DAW1: variants seen among roughly 807,000 people sequenced by gnomAD.
DAW1 encodes dynein assembly factor with WD repeats 1.
In DAW1, 47 loss-of-function variants were observed where a neutral mutation model predicts 56.5. That is an observed-to-expected ratio of 0.83 (90% confidence interval 0.66 to 1.06). DAW1 has a LOEUF of 1.06. Ranked by LOEUF, DAW1 falls within the 50% of genes least tolerant of loss-of-function variation. DAW1 has a pLI of 0.00. For synonymous variants in DAW1, 190 were observed against 179.0 expected (o/e 1.06, Z -0.49); for missense variants, 505 against 499.3 (o/e 1.01, Z -0.11).
intron 5 of DAW1, among the ~76,000 whole-genome samples, chr2:227,894,415 T>TA (rs1276622871): frequency 3.4e-5 from 5 of 148,078 alleles, no homozygotes; most frequent in African/African-American, 1.2e-4. Context: ...GACTCTGTCT[T>TA]AAAAAAAAAA....
At chr2:227,886,239 A>T (rs904634004) in intron 2 of DAW1, among the ~76,000 whole-genome samples, 1 of 152,152 alleles carries the variant, frequency 6.6e-6, no homozygotes, top group African/African-American at 2.4e-5. Context: ...AGGGAGACCT[A>T]ATCTCTATTA....
At chr2:227,874,652 C>T (rs73996709) in intron 1 of DAW1, among the ~76,000 whole-genome samples, 1,559 of 152,086 alleles carry the variant, frequency 0.01, 33 homozygotes, top group African/African-American at 0.036. Context: ...GTTGGAGTGC[C>T]CCAGAGCCCC....
intron 6 of DAW1, 39 bp downstream of exon 6, chr2:227,898,320 T>C (rs1691461516): frequency 9.8e-7 from 1 of 1,025,636 alleles, no homozygotes; most frequent in Admixed American, 4.2e-5. Context: ...TTTATGTATA[T>C]ATATATATTA....
At chr2:227,897,950 C>T (rs927335508) in intron 5 of DAW1, among the ~76,000 whole-genome samples, 8 of 150,376 alleles carry the variant, frequency 5.3e-5, no homozygotes, top group Non-Finnish European at 8.9e-5. Flanking sequence ...TTATTATAAT[C>T]CCAAACAAAT....
At chr2:227,912,537 T>A in intron 10 of DAW1, 5 of 1,258,938 alleles carry the variant, frequency 4.0e-6, no homozygotes, top group Non-Finnish European at 3.1e-6. Flanking sequence ...CTAGTATGTC[T>A]GTTTCATATC....
chr2:227,909,112 A>G (rs761716095), intron 10 of DAW1, among the ~76,000 whole-genome samples: 11 of 151,908 alleles, frequency 7.2e-5, no homozygotes, highest in Non-Finnish European at 1.5e-4. Context: ...ATACTATTCC[A>G]TATCTTAGTA....
rs768291881 is a variant in DAW1, at chr2:227,889,985, G to T, written c.243G>T (p.Thr81=). 1 of 1,586,700 alleles carries T rather than the reference G, an allele frequency of 6.3e-7. No individual in the cohort carries two copies. Among genetic ancestry groups the T allele is most frequent in the Non-Finnish European group, 8.5e-7 (1 of 1,170,432 alleles). ...AACTCGGCCAGAACAGCAATCACACGTTCTATCTTTTTAAGGTAATGGATT... is the reference window on the plus strand; with the variant it reads ...AACTCGGCCAGAACAGCAATCACACTTTCTATCTTTTTAAGGTAATGGATT... The part of the protein sequence containing the change: ...QEKLGQNSNH[T]FYLFKVLKAH... The change falls in exon 3 of 13, where the codon ACG becomes ACT. Residue 81 remains threonine, a synonymous_variant. Coordinates refer to ENST00000309931, the MANE Select transcript of DAW1 (RefSeq NM_178821.3).
At chr2:227,923,204 G>A (rs984722816) in intron 12 of DAW1, among the ~76,000 whole-genome samples, 7 of 152,158 alleles carry the variant, frequency 4.6e-5, no homozygotes, top group African/African-American at 9.6e-5. Flanking sequence ...TCTTGCCATC[G>A]ATGGAGCAGT....
chr2:227,891,640 C>G, intron 4 of DAW1, among the ~76,000 whole-genome samples: 1 of 152,132 alleles, frequency 6.6e-6, no homozygotes, highest in East Asian at 1.9e-4. Flanking sequence ...CACTTTCCAT[C>G]TAGGTCAGTG....
At chr2:227,918,755 A>G in intron 10 of DAW1, 25 bp from the exon 11 acceptor site, 3 of 1,612,332 alleles carry the variant, frequency 1.9e-6, no homozygotes, top group African/African-American at 2.7e-5. Flanking sequence ...ATGAATTTAT[A>G]TATATCCCCA....
chr2:227,872,692 C>G (rs1208058976), intron 1 of DAW1, among the ~76,000 whole-genome samples: 1 of 137,344 alleles, frequency 7.3e-6, no homozygotes, highest in Non-Finnish European at 1.6e-5. Flanking sequence ...GCCTCCCCCA[C>G]CCCCCCAACC....
chr2:227,887,780 G>A (rs1691166699), intron 2 of DAW1: 1 of 152,174 alleles, frequency 6.6e-6, no homozygotes, highest in African/African-American at 2.4e-5. Context: ...TTGGTGATAT[G>A]AGAAAGTAAA....
Position 227,907,153 on chromosome 2 carries a change from A to G in DAW1, c.874A>G (p.Asn292Asp), listed in dbSNP as rs1691705802. ...TTAATTGTAGCTGTGGGATGCTACA[A>G]ATGGAAAATGTGTGGCAACCTTAAC... ...DKTCKLWDAT[N>D]GKCVATLTGH... The change falls in exon 10 of 13, where the codon AAT becomes GAT. Residue 292 changes from asparagine to aspartate, a missense_variant. By Grantham distance (23) the Asn-to-Asp change is conservative. Transcript: ENST00000309931. 6.2e-7 allele frequency: 1 copy of G among 1,612,294 alleles called. No individual in the cohort carries two copies. The highest frequency in any genetic ancestry group is 8.5e-7 in the Non-Finnish European group (1 of 1,179,378).
intron 2 of DAW1, 187 bp from the exon 3 acceptor site, chr2:227,889,669 A>G: frequency 2.4e-6 from 1 of 421,236 alleles, no homozygotes; most frequent in Non-Finnish European, 4.2e-6. Flanking sequence ...CTTTCCTGCC[A>G]TCATCTATTT....
chr2:227,885,735 C>T (rs987627871), intron 2 of DAW1, among the ~76,000 whole-genome samples: 33 of 152,114 alleles, frequency 2.2e-4, no homozygotes, highest in African/African-American at 7.7e-4. Context: ...ATGTTAACAT[C>T]TCAGATTAGC....
At chr2:227,897,859 T>C (rs531379296) in intron 5 of DAW1, among the ~76,000 whole-genome samples, 1 of 152,320 alleles carries the variant, frequency 6.6e-6, no homozygotes, top group Non-Finnish European at 1.5e-5. Flanking sequence ...ACACAGTTCA[T>C]ACTATACATT....
At chr2:227,886,931 T>TTG (rs1208398767) in intron 2 of DAW1, among the ~76,000 whole-genome samples, 1 of 152,230 alleles carries the variant, frequency 6.6e-6, no homozygotes, top group Non-Finnish European at 1.5e-5. Context: ...AATGTTGTGT[T>TTG]TTAGGTTTGT....
At chr2:227,897,453 A>G (rs765309026) in intron 5 of DAW1, among the ~76,000 whole-genome samples, 3 of 152,182 alleles carry the variant, frequency 2.0e-5, no homozygotes, top group Non-Finnish European at 4.4e-5. Flanking sequence ...TGGGAAATTG[A>G]GCTTGTACTG....
At chr2:227,898,073 C>A (rs1028746108) in intron 5 of DAW1, 109 bp from the exon 6 acceptor site, 4 of 535,242 alleles carry the variant, frequency 7.5e-6, no homozygotes, top group South Asian at 6.5e-5. Flanking sequence ...TTGCTTATAG[C>A]TTTAGAAGTG....
Sources: allele counts gnomAD v4.1 joint callset (sites outside exome capture counted in the v4.1 genomes callset), GRCh38; gene constraint gnomAD v4.1.1; transcripts MANE v1.5; gene names NCBI Gene and HGNC (gene_info 2026-07-23, HGNC 2026-07-21).